MAPRE2: variants seen among roughly 807,000 people sequenced by gnomAD.
MAPRE2 encodes the protein microtubule associated protein RP/EB family member 2, also known as microtubule-associated protein RP/EB family member 2.
In MAPRE2, 13 loss-of-function variants were observed where a neutral mutation model predicts 43.2. The ratio of observed to expected loss-of-function variants is 0.30; its 90% CI spans 0.20 to 0.48. The LOEUF (loss-of-function observed/expected upper bound fraction) is 0.48. Among genes scored for constraint, MAPRE2 ranks in the 20% least tolerant of loss-of-function variants. The pLI, the probability that MAPRE2 is intolerant of heterozygous loss-of-function variation, is 0.99. For synonymous variants in MAPRE2, 135 were observed against 148.8 expected (o/e 0.91, Z 0.68); for missense variants, 161 against 400.2 (o/e 0.40, Z 5.10).
chr18:35,055,074 C>T (rs1174073369), intron 1 of MAPRE2, among the ~76,000 whole-genome samples: 1 of 152,006 alleles, frequency 6.6e-6, no homozygotes, highest in Non-Finnish European at 1.5e-5. Context: ...ACAAATGTAC[C>T]AATGTTAACA....
intron 1 of MAPRE2, among the ~76,000 whole-genome samples, chr18:35,063,999 TTAAAAAA>T (rs1322593577): frequency 1.2e-4 from 7 of 60,728 alleles, no homozygotes; most frequent in Admixed American, 2.0e-4. Context: ...CCCTGTCTCT[TTAAAAAA>T]AAAAAAAAAA....
rs7232628 is a variant in MAPRE2, at chr18:35,115,209, A to G, written c.611-11739A>G. ...TGAGTTGATGAGTTTAAGTTGAATC[A>G]TTGCAGCATTCATCTTGATCAAGGA... On this transcript the variant is annotated intron_variant, in intron 4 of 6. Transcript: ENST00000300249. Among the ~76,000 whole-genome samples, 1,287 of 152,250 alleles carry G rather than the reference A, an allele frequency of 8.5e-3. 13 individuals are homozygous for G. Among genetic ancestry groups the G allele is most frequent in the African/African-American group, 0.029 (1,225 of 41,538 alleles).
At chr18:34,979,674 CA>C (rs957690857) in intron 1 of MAPRE2, among the ~76,000 whole-genome samples, 1 of 151,850 alleles carries the variant, frequency 6.6e-6, no homozygotes, top group South Asian at 2.1e-4. Flanking sequence ...ATTTTGCATA[CA>C]AAAAAGTCAA....
chr18:35,115,335 G>T (rs1909363549), intron 4 of MAPRE2, among the ~76,000 whole-genome samples: 1 of 152,168 alleles, frequency 6.6e-6, no homozygotes, highest in Admixed American at 6.5e-5. Context: ...AAGTATGCTA[G>T]TACACTACAC....
chr18:35,000,443 T>A (rs1166553256), intron 1 of MAPRE2, among the ~76,000 whole-genome samples: 1 of 152,234 alleles, frequency 6.6e-6, no homozygotes, highest in Non-Finnish European at 1.5e-5. Flanking sequence ...CTGTAGATTT[T>A]GTGGCCAGAC....
intron 1 of MAPRE2, among the ~76,000 whole-genome samples, chr18:35,001,851 C>T (rs1452783603): frequency 1.3e-5 from 2 of 151,970 alleles, no homozygotes; most frequent in African/African-American, 4.8e-5. Context: ...AGTTCCTGTC[C>T]AATTACCTGA....
At position 35,009,560 on chromosome 18, in the gene MAPRE2, G is replaced by A. The variant is rs369386247; in HGVS notation, c.-8+4007G>A. 1.1e-4 allele frequency among the ~76,000 whole-genome samples: 16 copies of A among 152,242 alleles called. 1 individual carries two copies. Among genetic ancestry groups the A allele is most frequent in the Admixed American group, 4.6e-4 (7 of 15,286 alleles). ...TCAGTTATTGTGTCAGAATCTGTGG[G>A]AACATCTGCTTCTGGAAGCTTGAAG... On this transcript the variant is annotated intron_variant, in intron 2 of 7. Transcript: ENST00000413393.
chr18:35,004,462 C>A (rs1249359941), intron 1 of MAPRE2, among the ~76,000 whole-genome samples: 1 of 152,186 alleles, frequency 6.6e-6, no homozygotes, highest in African/African-American at 2.4e-5. Flanking sequence ...ACATAGCAAC[C>A]TCCTCCGTAA....
intron 2 of MAPRE2, among the ~76,000 whole-genome samples, chr18:35,032,044 C>T (rs778845080): frequency 1.3e-5 from 2 of 152,120 alleles, no homozygotes; most frequent in African/African-American, 2.4e-5. Context: ...ATTTCAGTGC[C>T]GGTACCACTG....
upstream of MAPRE2, among the ~76,000 whole-genome samples, chr18:35,037,189 T>C (rs557781294): frequency 9.2e-5 from 14 of 151,918 alleles, no homozygotes; most frequent in African/African-American, 3.1e-4. Flanking sequence ...CAGCTCCTAG[T>C]ATACAAGGAA....
chr18:35,000,996 G>A (rs962676447), intron 1 of MAPRE2, among the ~76,000 whole-genome samples: 3 of 152,140 alleles, frequency 2.0e-5, no homozygotes, highest in Non-Finnish European at 4.4e-5. Flanking sequence ...CAATCCGGAG[G>A]CAGGTGGATC....
chr18:34,996,129 A>G (rs7227018), intron 1 of MAPRE2, among the ~76,000 whole-genome samples: 18,419 of 152,166 alleles, frequency 0.12, 1,144 homozygotes, highest in South Asian at 0.17. Flanking sequence ...AACAGCAGTC[A>G]GGAATTTTTC....
At chr18:35,116,098 G>A (rs929772900) in intron 4 of MAPRE2, among the ~76,000 whole-genome samples, 1 of 152,172 alleles carries the variant, frequency 6.6e-6, no homozygotes, top group Non-Finnish European at 1.5e-5. Context: ...AGTAATAGAG[G>A]CGAGTTCCTT....
At chr18:35,115,621 A>ATTTGAT (rs1909378801) in intron 4 of MAPRE2, among the ~76,000 whole-genome samples, 1 of 152,020 alleles carries the variant, frequency 6.6e-6, no homozygotes, top group Admixed American at 6.5e-5. Context: ...AACACGCACT[A>ATTTGAT]TTTGATTTTT....
At chr18:35,051,394 T>C (rs1315930367) in intron 1 of MAPRE2, among the ~76,000 whole-genome samples, 2 of 152,120 alleles carry the variant, frequency 1.3e-5, no homozygotes, top group Non-Finnish European at 2.9e-5. Flanking sequence ...GGAAGCCAAA[T>C]TGATAAGTTT....
At chr18:35,020,348 G>A (rs1251591581) in intron 2 of MAPRE2, among the ~76,000 whole-genome samples, 1 of 152,130 alleles carries the variant, frequency 6.6e-6, no homozygotes, top group African/African-American at 2.4e-5. Context: ...ATTTTTCAAG[G>A]CAATGACTAT....
intron 1 of MAPRE2, among the ~76,000 whole-genome samples, chr18:35,065,641 C>T (rs1906799601): frequency 6.6e-6 from 1 of 152,040 alleles, no homozygotes; most frequent in African/African-American, 2.4e-5. Flanking sequence ...GCAACCTCTG[C>T]CTACCGGGTT....
intron 1 of MAPRE2, among the ~76,000 whole-genome samples, chr18:35,069,003 A>G (rs1417566313): frequency 2.6e-5 from 4 of 152,216 alleles, no homozygotes; most frequent in Non-Finnish European, 4.4e-5. Context: ...GAGTTGTGCT[A>G]GATGGCATCA....
intron 1 of MAPRE2, among the ~76,000 whole-genome samples, chr18:34,993,443 C>A (rs1264641312): frequency 6.6e-6 from 1 of 151,876 alleles, no homozygotes. Context: ...CTAGATCATG[C>A]AAGAACAAGA....
Sources: allele counts gnomAD v4.1 joint callset (sites outside exome capture counted in the v4.1 genomes callset), GRCh38; gene constraint gnomAD v4.1.1; transcripts MANE v1.5; gene names NCBI Gene and HGNC (gene_info 2026-07-23, HGNC 2026-07-21).